Variants in CRYBG3 observed in about 807,000 individuals in gnomAD.
The protein encoded by CRYBG3 is very large A-kinase anchor protein.
Under a neutral mutation model 244.2 loss-of-function variants are expected in CRYBG3, and 127 were observed. That is an observed-to-expected ratio of 0.52 (90% CI 0.45 to 0.60). The LOEUF is 0.60. CRYBG3 is among the 20% of genes least tolerant of loss of function. CRYBG3 has a pLI of 0.00. For missense variants in CRYBG3, 3,325 were observed against 3,442.5 expected, an observed-to-expected ratio of 0.97 and a Z score of 0.85; for synonymous variants, 1,132 against 1,195.8, an observed-to-expected ratio of 0.95 and a Z score of 1.10.
At chr3:97,841,611 G>A (rs144164155) in intron 1 of CRYBG3, among the ~76,000 whole-genome samples, 61 of 151,996 alleles carry the variant, frequency 4.0e-4, no homozygotes, top group Middle Eastern at 3.4e-3. Flanking sequence ...CATCTGATCC[G>A]CTTTGGGACA....
At chr3:97,930,884 A>G (rs2040090226) in intron 17 of CRYBG3, among the ~76,000 whole-genome samples, 2 of 152,020 alleles carry the variant, frequency 1.3e-5, no homozygotes, top group Admixed American at 1.3e-4. Context: ...TTAAATGGAC[A>G]TTTCTGGGCA....
intron 15 of CRYBG3, among the ~76,000 whole-genome samples, chr3:97,907,662 G>A (rs1466648781): frequency 2.4e-4 from 36 of 148,942 alleles, no homozygotes; most frequent in Admixed American, 6.0e-4. Flanking sequence ...TCTTGCTAGC[G>A]GTCTATCAAT....
intron 1 of CRYBG3, among the ~76,000 whole-genome samples, chr3:97,831,413 C>A (rs920008064): frequency 1.3e-5 from 2 of 152,156 alleles, no homozygotes; most frequent in East Asian, 3.9e-4. Flanking sequence ...CTTCAGAGAA[C>A]AGAACTTCAT....
chr3:97,838,018 A>T (rs1433927176), intron 1 of CRYBG3, among the ~76,000 whole-genome samples: 1 of 152,070 alleles, frequency 6.6e-6, no homozygotes, highest in East Asian at 1.9e-4. Context: ...TGTTTCTGTG[A>T]GTCTGTCCTG....
intron 2 of CRYBG3, among the ~76,000 whole-genome samples, chr3:97,860,799 G>T (rs1374213977): frequency 6.6e-6 from 1 of 151,992 alleles, no homozygotes; most frequent in East Asian, 1.9e-4. Context: ...TCTTTTCATT[G>T]TTTTTGACTT....
intron 17 of CRYBG3, among the ~76,000 whole-genome samples, chr3:97,927,418 C>T (rs909181911): frequency 1.3e-5 from 2 of 151,970 alleles, no homozygotes; most frequent in Non-Finnish European, 2.9e-5. Flanking sequence ...AAAAATAACT[C>T]AAGATGGATT....
rs1043100130 is a variant in CRYBG3, at chr3:97,865,629, C to G, written c.647+982C>G. On this transcript the variant is annotated intron_variant, in intron 3 of 21. Transcript: ENST00000389622. ...CTGTGGTATTTGAAACAGTGTCATA[C>G]TGATGTAATATTTGCTAGACATTTA... Among the ~76,000 whole-genome samples the G allele has an allele frequency of 7.0e-4, 106 of 152,130 alleles. 3 individuals carry two copies. The highest frequency in any genetic ancestry group is 6.9e-3 in the Admixed American group (106 of 15,266).
intron 20 of CRYBG3, chr3:97,942,082 T>G: frequency 2.7e-6 from 1 of 377,282 alleles, no homozygotes; most frequent in Non-Finnish European, 4.7e-6. Flanking sequence ...TTCAGTTGGT[T>G]TATTTCTGTA....
At chr3:97,871,819 A>T in intron 3 of CRYBG3, 23 bp from the exon 4 acceptor site, 1 of 1,433,424 alleles carries the variant, frequency 7.0e-7, no homozygotes, top group Non-Finnish European at 9.2e-7. Flanking sequence ...ATTTCCTGAT[A>T]CTCTCATGCT....
intron 5 of CRYBG3, 97 bp from the exon 6 acceptor site, chr3:97,879,888 A>C: frequency 1.1e-6 from 1 of 914,824 alleles, no homozygotes; most frequent in Non-Finnish European, 1.7e-6. Flanking sequence ...TTGTATATTT[A>C]GGATATTTAT....
intron 3 of CRYBG3, among the ~76,000 whole-genome samples, chr3:97,870,766 A>G (rs1314267791): frequency 6.6e-6 from 1 of 152,188 alleles, no homozygotes; most frequent in East Asian, 1.9e-4. Flanking sequence ...GAAGGTATTA[A>G]GCATATACAA....
intron 17 of CRYBG3, among the ~76,000 whole-genome samples, chr3:97,916,884 G>T (rs997617040): frequency 1.3e-5 from 2 of 151,814 alleles, no homozygotes; most frequent in Admixed American, 6.6e-5. Flanking sequence ...GAGGAAAAAT[G>T]GTTTAAAAAA....
In CRYBG3 at chr3:97,892,977, C is replaced by A. The variant is rs369729142; in HGVS notation, c.7558C>A (p.Arg2520Ser). 1 of 1,597,164 alleles carries A rather than the reference C, an allele frequency of 6.3e-7. No homozygotes were observed. Among genetic ancestry groups the A allele is most frequent in the Non-Finnish European group, 8.5e-7 (1 of 1,174,222 alleles). Residue 2520 changes from arginine to serine, a missense_variant, in exon 11 of 22, where the codon CGT becomes AGT. Physicochemically the swap from Arg to Ser is moderately radical, Grantham distance 110. Transcript: ENST00000389622. ...NGDFHRIGSIRVIGGVWVAYE... is the reference protein window; with the variant it reads ...NGDFHRIGSISVIGGVWVAYE... ...AGATTTTCACAGAATTGGATCAATT[C>A]GTGTCATTGGTGGAGTGTGAGTATC...
intron 15 of CRYBG3, among the ~76,000 whole-genome samples, chr3:97,905,563 A>T (rs10935146): frequency 4.5e-4 from 68 of 152,052 alleles, no homozygotes; most frequent in Middle Eastern, 3.4e-3. Context: ...TGTCTGTTCA[A>T]GTCCTTTGCC....
intron 17 of CRYBG3, among the ~76,000 whole-genome samples, chr3:97,921,631 G>A (rs191883730): frequency 1.3e-5 from 2 of 152,106 alleles, no homozygotes; most frequent in East Asian, 3.9e-4. Context: ...AACCTAAGTT[G>A]AAAAAATGGT....
At chr3:97,825,121 G>A (rs1055382525) in intron 1 of CRYBG3, among the ~76,000 whole-genome samples, 3 of 152,168 alleles carry the variant, frequency 2.0e-5, no homozygotes, top group Non-Finnish European at 4.4e-5. Flanking sequence ...TACATTAATG[G>A]GACAGAGTGA....
chr3:97,831,124 T>C (rs1039874147), intron 1 of CRYBG3, among the ~76,000 whole-genome samples: 1 of 152,164 alleles, frequency 6.6e-6, no homozygotes, highest in African/African-American at 2.4e-5. Context: ...GATGCTTATA[T>C]ACCCCACCTC....
chr3:97,896,078 TA>T lies in CRYBG3; in HGVS notation c.7695del (p.Leu2565PhefsTer6). On this transcript the variant is annotated frameshift_variant, in exon 12 of 22. Transcript: ENST00000389622. LOFTEE classifies it high-confidence loss of function. ...AGCCCTATCTTGTCTTTCCGGTACTTACAAGCTGTGAGTTAGCTTCCTTATC... is the reference window on the plus strand; with the variant it reads ...AGCCCTATCTTGTCTTTCCGGTACTTCAAGCTGTGAGTTAGCTTCCTTATC... Reference protein sequence around the residue: ...LSSPILSFRYLQANFIESSVT... With the variant: ...LSSPILSFRYXQANFIESSVT... 2.5e-6 allele frequency: 4 copies of T among 1,608,120 alleles called. No individual in the cohort carries two copies. In the African/African-American group the frequency reaches 4.0e-5, roughly 16 times the overall value.
At chr3:97,870,570 G>A (rs1383685087) in intron 3 of CRYBG3, among the ~76,000 whole-genome samples, 7 of 152,002 alleles carry the variant, frequency 4.6e-5, no homozygotes, top group Non-Finnish European at 1.0e-4. Flanking sequence ...TCATGTTTTT[G>A]CTATTGTGGA....
Sources: allele counts gnomAD v4.1 joint callset (sites outside exome capture counted in the v4.1 genomes callset), GRCh38; gene constraint gnomAD v4.1.1; transcripts MANE v1.5; gene names NCBI Gene and HGNC (gene_info 2026-07-23, HGNC 2026-07-21).